RBFOX1: variants seen among roughly 807,000 people sequenced by gnomAD.
RBFOX1 encodes the protein RNA binding fox-1 homolog 1.
RBFOX1 carries 8 observed loss-of-function variants against 57.7 expected under a neutral mutation model. The ratio of observed to expected loss-of-function variants is 0.14; its 90% CI spans 0.08 to 0.25. The LOEUF (loss-of-function observed/expected upper bound fraction) is 0.25. Ranked by LOEUF, RBFOX1 falls within the 10% of genes least tolerant of loss-of-function variation. The pLI, the probability that RBFOX1 is intolerant of heterozygous loss-of-function variation, is 1.00. For synonymous variants in RBFOX1, 326 were observed against 222.4 expected (o/e 1.47, Z -4.15); for missense variants, 611 against 548.5 (o/e 1.11, Z -1.14).
At chr16:5,869,958 G>T (rs368235631) in intron 4 of RBFOX1, among the ~76,000 whole-genome samples, 1 of 151,878 alleles carries the variant, frequency 6.6e-6, no homozygotes, top group African/African-American at 2.4e-5. Context: ...ATCAATAGTG[G>T]TGTATTCATG....
intron 4 of RBFOX1, among the ~76,000 whole-genome samples, chr16:7,105,414 T>C (rs190562598): frequency 6.6e-6 from 1 of 152,168 alleles, no homozygotes; most frequent in East Asian, 1.9e-4. Flanking sequence ...TGTGAGATTT[T>C]GGTACACCCA....
At chr16:5,559,417 A>G (rs1439553297) in intron 2 of RBFOX1, among the ~76,000 whole-genome samples, 1 of 152,170 alleles carries the variant, frequency 6.6e-6, no homozygotes. Flanking sequence ...CTAATAGGCT[A>G]ATACATGAGG....
chr16:5,558,195 C>G (rs1007118188), intron 2 of RBFOX1, among the ~76,000 whole-genome samples: 1 of 152,194 alleles, frequency 6.6e-6, no homozygotes, highest in Non-Finnish European at 1.5e-5. Context: ...GGCTGTCACA[C>G]TAGCCCCCCT....
intron 2 of RBFOX1, among the ~76,000 whole-genome samples, chr16:6,510,350 CAT>C (rs1179502141): frequency 6.6e-6 from 1 of 152,118 alleles, no homozygotes; most frequent in Non-Finnish European, 1.5e-5. Context: ...TGGAAGGTCA[CAT>C]GTGATGCCAC....
At chr16:7,087,518 A>G (rs2060173440) in intron 4 of RBFOX1, among the ~76,000 whole-genome samples, 1 of 151,788 alleles carries the variant, frequency 6.6e-6, no homozygotes, top group Admixed American at 6.6e-5. Flanking sequence ...GCTTGACAGA[A>G]AAGAGAAGAA....
intron 6 of RBFOX1, among the ~76,000 whole-genome samples, chr16:7,584,781 A>G (rs1156402786): frequency 6.6e-6 from 1 of 152,236 alleles, no homozygotes; most frequent in Non-Finnish European, 1.5e-5. Context: ...AACTGTTGAT[A>G]CTATAAATAT....
chr16:7,422,680 T>A (rs988764701), intron 4 of RBFOX1: 2 of 152,130 alleles, frequency 1.3e-5, no homozygotes, highest in African/African-American at 2.4e-5. Flanking sequence ...TGGGGAGGAT[T>A]GGCTGAGATG....
chr16:5,275,396 A>G (rs1032253001), intron 1 of RBFOX1, among the ~76,000 whole-genome samples: 1 of 152,216 alleles, frequency 6.6e-6, no homozygotes, highest in African/African-American at 2.4e-5. Flanking sequence ...AGTGCTATAC[A>G]CCAACAGCAA....
At chr16:6,672,041 T>C (rs947539729) in intron 3 of RBFOX1, among the ~76,000 whole-genome samples, 1 of 152,242 alleles carries the variant, frequency 6.6e-6, no homozygotes, top group Non-Finnish European at 1.5e-5. Context: ...TCTGACATTA[T>C]TTGGAATAGG....
At chr16:5,284,756 A>AATTTTTTT (rs1303967371) in intron 1 of RBFOX1, among the ~76,000 whole-genome samples, 1 of 61,032 alleles carries the variant, frequency 1.6e-5, no homozygotes, top group Non-Finnish European at 3.0e-5. Flanking sequence ...TTTGGCTTAG[A>AATTTTTTT]TTTTTTTTTT....
At chr16:7,521,011 T>A (rs960567742) in intron 5 of RBFOX1, among the ~76,000 whole-genome samples, 1 of 152,204 alleles carries the variant, frequency 6.6e-6, no homozygotes, top group Non-Finnish European at 1.5e-5. Flanking sequence ...ACTGAGCATG[T>A]GGCAAATAGC....
rs2059405576 is a variant in RBFOX1 at position 5,946,642 on chromosome 16, A to C, written c.351+79307A>C. Among the ~76,000 whole-genome samples the C allele has an allele frequency of 6.6e-6, 1 of 152,190 alleles. No homozygotes were observed. Among genetic ancestry groups the C allele is most frequent in the Non-Finnish European group, 1.5e-5 (1 of 68,028 alleles). On this transcript the variant is annotated intron_variant, in intron 4 of 19. Transcript: ENST00000641259. The surrounding 1 kb of genome is among the most constrained non-coding windows in gnomAD (Gnocchi z 4.6). ...TAAATTCTGTGAGCCGTGCTAGGCA[A>C]CTATTGAACCAGAGAAGGGGGTTAT... is the stretch of plus-strand genomic sequence containing the variant.
intron 3 of RBFOX1, among the ~76,000 whole-genome samples, chr16:6,976,874 C>CTT: frequency 1.5e-4 from 1 of 6,596 alleles, no homozygotes; most frequent in Non-Finnish European, 2.1e-4. Flanking sequence ...TCACATATGT[C>CTT]ATATCCATAT....
At chr16:6,651,297 C>T (rs569745945) in intron 2 of RBFOX1, among the ~76,000 whole-genome samples, 21 of 152,338 alleles carry the variant, frequency 1.4e-4, no homozygotes, top group East Asian at 3.9e-4. Flanking sequence ...GACCGTGCAA[C>T]GGCCCCAGGT....
chr16:6,755,498 C>G (rs1410879799), intron 3 of RBFOX1, among the ~76,000 whole-genome samples: 2 of 152,090 alleles, frequency 1.3e-5, no homozygotes. Flanking sequence ...GCATAAATGT[C>G]TCCTGTTTTA....
chr16:5,871,814 A>C (rs2057480449), intron 4 of RBFOX1, among the ~76,000 whole-genome samples: 1 of 152,210 alleles, frequency 6.6e-6, no homozygotes, highest in African/African-American at 2.4e-5. Context: ...ATGGCAATGT[A>C]AACTCAGTGG....
intron 3 of RBFOX1, among the ~76,000 whole-genome samples, chr16:6,748,347 A>G (rs1244698876): frequency 6.6e-6 from 1 of 152,072 alleles, no homozygotes; most frequent in African/African-American, 2.4e-5. Flanking sequence ...AACTATATAC[A>G]TATGTATGTA....
intron 4 of RBFOX1, among the ~76,000 whole-genome samples, chr16:5,951,554 T>C (rs896940850): frequency 5.9e-5 from 9 of 151,848 alleles, no homozygotes; most frequent in Non-Finnish European, 8.8e-5. Flanking sequence ...GTTGATGGAG[T>C]GTATTTTTGT....
At chr16:7,026,755 C>G (rs901989607) in intron 3 of RBFOX1, among the ~76,000 whole-genome samples, 1 of 152,176 alleles carries the variant, frequency 6.6e-6, no homozygotes, top group African/African-American at 2.4e-5. Flanking sequence ...TCCGAGGCCT[C>G]AACTTTGTGC....
Sources: gnomAD v4.1 joint callset for allele counts (sites outside exome capture counted in the v4.1 genomes callset) on GRCh38, gnomAD v4.1.1 for gene constraint, Gnocchi (gnomAD v3.1) non-coding constraint, MANE v1.5 for transcripts, NCBI Gene and HGNC (gene_info 2026-07-23, HGNC 2026-07-21) for gene names.